TOX2: variants seen among roughly 807,000 people sequenced by gnomAD.
TOX2 encodes granulosa cell HMG box 1.
A neutral mutation model predicts 47.4 loss-of-function variants in TOX2; 15 were observed. The observed-to-expected ratio is 0.32, with a 90% CI of 0.21 to 0.49. The LOEUF is 0.49. Ranked by LOEUF, TOX2 falls within the 20% of genes least tolerant of loss-of-function variation. The pLI, the probability that TOX2 is intolerant of heterozygous loss-of-function variation, is 0.99. For synonymous variants in TOX2, 290 were observed against 296.6 expected (o/e 0.98, Z 0.23); for missense variants, 622 against 673.1 (o/e 0.92, Z 0.84).
chr20:43,919,356 A>C (rs1377192578), intron 1 of TOX2, among the ~76,000 whole-genome samples: 1 of 152,196 alleles, frequency 6.6e-6, no homozygotes, highest in Non-Finnish European at 1.5e-5. Context: ...TGGGAATATG[A>C]CTTTTGGAGA....
chr20:43,997,594 A>C (rs2070501902), intron 2 of TOX2, among the ~76,000 whole-genome samples: 1 of 151,876 alleles, frequency 6.6e-6, no homozygotes, highest in African/African-American at 2.4e-5. Context: ...TAGCCTTTTC[A>C]AAAAAACAAT....
intron 1 of TOX2, among the ~76,000 whole-genome samples, chr20:43,934,173 C>A (rs1225726048): frequency 9.7e-6 from 1 of 103,092 alleles, no homozygotes; most frequent in Admixed American, 8.9e-5. Context: ...GAGAGACCTG[C>A]CCTCAGTCAG....
intron 7 of TOX2, 32 bp from the exon 8 acceptor site, chr20:44,066,698 T>C (rs1263829720): frequency 6.2e-7 from 1 of 1,613,730 alleles, no homozygotes; most frequent in Non-Finnish European, 8.5e-7. Context: ...CATCTCTCCT[T>C]GGCTCATGGC....
chr20:44,039,945 G>T (rs1416248484), intron 3 of TOX2, among the ~76,000 whole-genome samples: 1 of 152,194 alleles, frequency 6.6e-6, no homozygotes, highest in Non-Finnish European at 1.5e-5. Flanking sequence ...CCCCGAGGTG[G>T]GCCGAGGGCC....
At position 43,916,997 on chromosome 20, in the gene TOX2, T is replaced by G. The variant is rs2069061994; in HGVS notation, c.99+2007T>G. On this transcript the variant is annotated intron_variant, in intron 1 of 8. Transcript: ENST00000341197. The surrounding 1 kb of genome is among the most constrained non-coding windows in gnomAD (Gnocchi z 5.0). ...GAATGAGAAGCCGGCGATTCTGGTT[T>G]CTTTCTGTGTGGGATGTAGGACCCC... 6.6e-6 allele frequency among the ~76,000 whole-genome samples: 1 copy of G among 152,058 alleles called. No homozygotes were observed. Among genetic ancestry groups the G allele is most frequent in the African/African-American group, 2.4e-5 (1 of 41,372 alleles).
intron 8 of TOX2, among the ~76,000 whole-genome samples, chr20:44,068,009 T>C (rs1555122): frequency 0.48 from 73,193 of 151,916 alleles, 18,094 homozygotes; most frequent in East Asian, 0.6. Flanking sequence ...ACCAGCGCCC[T>C]TGGACACTGA....
chr20:44,007,174 A>C (rs1029095252), intron 3 of TOX2: 1 of 201,508 alleles, frequency 5.0e-6, no homozygotes, highest in African/African-American at 2.3e-5. Context: ...ATGACTTTTC[A>C]TATATTGACA....
chr20:44,050,840 G>T (rs1442170825), intron 3 of TOX2, among the ~76,000 whole-genome samples: 1 of 152,180 alleles, frequency 6.6e-6, no homozygotes, highest in African/African-American at 2.4e-5. Flanking sequence ...GGCACAAAGA[G>T]GTTAGGTAAC....
chr20:44,037,835 C>T (rs6031311), intron 3 of TOX2, among the ~76,000 whole-genome samples: 111,567 of 152,008 alleles, frequency 0.73, 41,135 homozygotes, highest in East Asian at 0.79. Flanking sequence ...AGTAACGGGG[C>T]GATGCTACAA....
At chr20:44,036,286 C>G (rs929022537) in intron 3 of TOX2, among the ~76,000 whole-genome samples, 4 of 152,218 alleles carry the variant, frequency 2.6e-5, no homozygotes, top group Non-Finnish European at 5.9e-5. Context: ...TGAGAGCACA[C>G]TGAGTAGGTG....
intron 2 of TOX2, among the ~76,000 whole-genome samples, chr20:43,996,811 G>C (rs1339772226): frequency 1.3e-5 from 2 of 152,116 alleles, no homozygotes; most frequent in African/African-American, 4.8e-5. Flanking sequence ...CAGCAAGTAA[G>C]ATTCCCCATG....
At chr20:44,066,947 G>T in intron 8 of TOX2, 90 bp downstream of exon 8, 1 of 1,532,768 alleles carries the variant, frequency 6.5e-7, no homozygotes, top group African/African-American at 1.4e-5. Context: ...CAAGGGCAAC[G>T]TGGACAGGGG....
At chr20:43,945,442 T>C (rs1186178422) in intron 1 of TOX2, among the ~76,000 whole-genome samples, 1 of 152,230 alleles carries the variant, frequency 6.6e-6, no homozygotes, top group African/African-American at 2.4e-5. Flanking sequence ...AGCAACATCC[T>C]TGGGCATGCA....
At chr20:43,976,782 GCACA>G (rs11086916) in intron 2 of TOX2, among the ~76,000 whole-genome samples, 1,474 of 146,522 alleles carry the variant, frequency 0.01, 9 homozygotes, top group Non-Finnish European at 0.014. Context: ...GAGCGCGCGC[GCACA>G]CACACACACA....
chr20:43,949,567 C>T (rs1013712076), intron 1 of TOX2, among the ~76,000 whole-genome samples: 4 of 152,232 alleles, frequency 2.6e-5, no homozygotes, highest in African/African-American at 7.2e-5. Flanking sequence ...CTGCCTCCTG[C>T]AGAATCACTG....
chr20:44,016,719 T>A (rs1324656202), intron 3 of TOX2, among the ~76,000 whole-genome samples: 4 of 152,218 alleles, frequency 2.6e-5, no homozygotes, highest in African/African-American at 9.7e-5. Context: ...CTGAGAAGGC[T>A]GTTCCACCTT....
chr20:44,024,783 TATATACAATAATATATACA>T (rs1309644396), intron 3 of TOX2, among the ~76,000 whole-genome samples: 25 of 144,642 alleles, frequency 1.7e-4, no homozygotes, highest in Admixed American at 4.7e-4. Context: ...ACAAAGATAA[TATATACAATAATATATACA>T]ATATACAAAG....
intron 3 of TOX2, among the ~76,000 whole-genome samples, chr20:44,026,228 G>GATATATATATATAT (rs6147358): frequency 0.038 from 2,245 of 59,718 alleles, 325 homozygotes; most frequent in Non-Finnish European, 0.047. Context: ...AAGAAACTGT[G>GATATATATATATAT]ATATATATAT....
At chr20:44,054,220 C>A in intron 4 of TOX2, 79 bp from the exon 5 acceptor site, 2 of 1,454,824 alleles carry the variant, frequency 1.4e-6, no homozygotes, top group East Asian at 4.9e-5. Flanking sequence ...AAGTGCAGCT[C>A]GGCCCAAGTC....
Sources: gnomAD v4.1 joint callset for allele counts (sites outside exome capture counted in the v4.1 genomes callset) on GRCh38, gnomAD v4.1.1 for gene constraint, Gnocchi (gnomAD v3.1) non-coding constraint, MANE v1.5 for transcripts, NCBI Gene and HGNC (gene_info 2026-07-23, HGNC 2026-07-21) for gene names.